INPP4B: variants seen among roughly 807,000 people sequenced by gnomAD.
INPP4B encodes inositol polyphosphate 4-phosphatase type II.
A neutral mutation model predicts 122.5 loss-of-function variants in INPP4B; 55 were observed. That is an observed-to-expected ratio of 0.45 (90% confidence interval 0.36 to 0.56). The LOEUF (loss-of-function observed/expected upper bound fraction) is 0.56, where lower values mean the gene tolerates loss of function less well. INPP4B is among the 20% of genes least tolerant of loss of function. INPP4B has a pLI of 0.00. For synonymous variants in INPP4B, 403 were observed against 388.7 expected, an observed-to-expected ratio of 1.04 and a Z score of -0.43; for missense variants, 1,000 against 1,097.7, an observed-to-expected ratio of 0.91 and a Z score of 1.26.
At chr4:142,661,413 G>A (rs1327963381) in intron 2 of INPP4B, among the ~76,000 whole-genome samples, 2 of 152,160 alleles carry the variant, frequency 1.3e-5, no homozygotes, top group East Asian at 3.9e-4. Context: ...CTTAATTACA[G>A]CATAAACAAT....
chr4:142,255,310 A>G (rs1230003532), intron 11 of INPP4B, among the ~76,000 whole-genome samples: 1 of 152,146 alleles, frequency 6.6e-6, no homozygotes, highest in Non-Finnish European at 1.5e-5. Flanking sequence ...GGAGCAAAAT[A>G]ACCAGCTAAT....
chr4:142,137,978 C>A (rs947538538), intron 18 of INPP4B, among the ~76,000 whole-genome samples: 10 of 152,088 alleles, frequency 6.6e-5, no homozygotes, highest in African/African-American at 2.2e-4. Flanking sequence ...GTCAGAGTGG[C>A]GATTCCTCAG....
At chr4:142,046,873 C>G (rs905535753) in intron 25 of INPP4B, among the ~76,000 whole-genome samples, 3 of 151,944 alleles carry the variant, frequency 2.0e-5, no homozygotes, top group Non-Finnish European at 2.9e-5. Flanking sequence ...GAACGAGACA[C>G]CATGTATTAA....
At position 142,260,087 on chromosome 4, in the gene INPP4B, C is replaced by T. The variant is rs142086510; in HGVS notation, c.688+405G>A. The stretch of plus-strand genomic sequence containing the variant: ...GCAACCTCCGCCCCTCGGGTTCAAG[C>T]GATTCTCTTGCCTCAGCCTTCAGAA... On this transcript the variant is annotated intron_variant, in intron 11 of 25. Coordinates refer to ENST00000262992, the MANE Select transcript of INPP4B (RefSeq NM_001101669.3). 3.6e-3 allele frequency among the ~76,000 whole-genome samples: 551 copies of T among 152,270 alleles called. 4 individuals carry two copies. The highest frequency in any genetic ancestry group is 0.013 in the African/African-American group (522 of 41,568).
Position 142,097,328 on chromosome 4 carries a change from C to T in INPP4B, c.2374+10765G>A, listed in dbSNP as rs532543180. 9.8e-4 allele frequency among the ~76,000 whole-genome samples: 148 copies of T among 151,418 alleles called. 3 individuals carry two copies. Among genetic ancestry groups the T allele is most frequent in the African/African-American group, 2.8e-3 (115 of 41,222 alleles). On this transcript the variant is annotated intron_variant, in intron 23 of 25. Coordinates refer to ENST00000262992, the MANE Select transcript of INPP4B (RefSeq NM_001101669.3). Reference sequence around the variant, plus strand: ...GGAGTGCAATGGCGTGATCTTGGCTCACTGCAACCTCCCACTTACTGGTTC... The same window carrying T: ...GGAGTGCAATGGCGTGATCTTGGCTTACTGCAACCTCCCACTTACTGGTTC...
intron 1 of INPP4B, among the ~76,000 whole-genome samples, chr4:142,742,837 G>T (rs769772068): frequency 6.6e-6 from 1 of 151,928 alleles, no homozygotes; most frequent in Non-Finnish European, 1.5e-5. Flanking sequence ...ACAAAACAAT[G>T]TAGAGCTAAG....
At chr4:142,128,370 CACACACACAT>C (rs1489083453) in intron 18 of INPP4B, among the ~76,000 whole-genome samples, 9 of 93,496 alleles carry the variant, frequency 9.6e-5, no homozygotes, top group East Asian at 4.0e-4. Flanking sequence ...CACACACACA[CACACACACAT>C]ACACACACAT....
At chr4:142,390,663 G>T (rs1009796261) in intron 7 of INPP4B, among the ~76,000 whole-genome samples, 1 of 152,116 alleles carries the variant, frequency 6.6e-6, no homozygotes, top group Non-Finnish European at 1.5e-5. Flanking sequence ...TTTAGTGTAT[G>T]TTATCAATAT....
intron 2 of INPP4B, among the ~76,000 whole-genome samples, chr4:142,485,318 T>C (rs1387654225): frequency 1.3e-5 from 2 of 152,098 alleles, no homozygotes; most frequent in Non-Finnish European, 2.9e-5. Context: ...ACCTTAAGTA[T>C]TTAGCTTTTA....
rs114482230 is a variant in INPP4B, at chr4:142,666,071, T to C, written c.-191+59768A>G. 8.6e-3 allele frequency among the ~76,000 whole-genome samples: 1,313 copies of C among 152,306 alleles called. 25 individuals are homozygous for C. The highest frequency in any genetic ancestry group is 0.03 in the African/African-American group (1,245 of 41,566). On this transcript the variant is annotated intron_variant, in intron 2 of 25. Transcript: ENST00000262992. ...TCTTACTATACGGTACTCATCACAGTTAACTGAAACTGCAAATTGCAAAAT... is the reference window on the plus strand; with the variant it reads ...TCTTACTATACGGTACTCATCACAGCTAACTGAAACTGCAAATTGCAAAAT...
chr4:142,841,326 T>A (rs977546045), intron 1 of INPP4B, among the ~76,000 whole-genome samples: 5 of 151,998 alleles, frequency 3.3e-5, no homozygotes, highest in Non-Finnish European at 7.4e-5. Flanking sequence ...TTGAATAGTT[T>A]TTGTGTTTTG....
At chr4:142,448,329 C>CAAAAAAAAAAAAAAAAAAAAAAAAAAAAA in intron 3 of INPP4B, among the ~76,000 whole-genome samples, 1 of 61,988 alleles carries the variant, frequency 1.6e-5, no homozygotes, top group Non-Finnish European at 2.9e-5. Context: ...TATCCATCTC[C>CAAAAAAAAAAAAAAAAAAAAAAAAAAAAA]AAAAAAAAAA....
chr4:142,784,965 A>T (rs1330390006), intron 1 of INPP4B, among the ~76,000 whole-genome samples: 1 of 152,108 alleles, frequency 6.6e-6, no homozygotes, highest in Non-Finnish European at 1.5e-5. Flanking sequence ...TACACAGCCT[A>T]CTAAAAGACA....
chr4:142,177,587 T>G (rs1477355158), intron 15 of INPP4B, among the ~76,000 whole-genome samples: 1 of 151,992 alleles, frequency 6.6e-6, no homozygotes, highest in Non-Finnish European at 1.5e-5. Context: ...TTGAAATTAG[T>G]TTCATAATAT....
chr4:142,200,215 T>A (rs1224505746), intron 14 of INPP4B, among the ~76,000 whole-genome samples: 2 of 151,956 alleles, frequency 1.3e-5, no homozygotes, highest in Non-Finnish European at 2.9e-5. Context: ...AACTTTGTGT[T>A]TTGGGAGCGC....
chr4:142,395,661 G>A (rs544774548), intron 7 of INPP4B, among the ~76,000 whole-genome samples: 25 of 152,216 alleles, frequency 1.6e-4, no homozygotes, highest in African/African-American at 5.5e-4. Context: ...CAACCTAAAC[G>A]TTCATCAGTA....
chr4:142,245,781 TATGTGTGTATGTATAC>T, intron 11 of INPP4B, among the ~76,000 whole-genome samples: 1 of 140,524 alleles, frequency 7.1e-6, no homozygotes, highest in Non-Finnish European at 1.5e-5. Flanking sequence ...TGTATATATA[TATGTGTGTATGTATAC>T]ATATATATGT....
chr4:142,225,337 C>T (rs1439299744), intron 12 of INPP4B, among the ~76,000 whole-genome samples: 2 of 152,198 alleles, frequency 1.3e-5, no homozygotes, highest in African/African-American at 4.8e-5. Flanking sequence ...ATCTCTCCTA[C>T]TTTTGAGGTT....
At chr4:142,495,870 C>G (rs1299803196) in intron 2 of INPP4B, among the ~76,000 whole-genome samples, 1 of 152,146 alleles carries the variant, frequency 6.6e-6, no homozygotes. Flanking sequence ...CTCTTTCTCC[C>G]AGGAGTGATG....
Sources: allele counts gnomAD v4.1 joint callset (sites outside exome capture counted in the v4.1 genomes callset), GRCh38; gene constraint gnomAD v4.1.1; transcripts MANE v1.5; gene names NCBI Gene and HGNC (gene_info 2026-07-23, HGNC 2026-07-21).